PLA2G2C: variants seen among roughly 807,000 people sequenced by gnomAD.
The protein encoded by PLA2G2C is phospholipase A2 group IIC.
In PLA2G2C, 15 loss-of-function variants were observed where a neutral mutation model predicts 14.3. The observed-to-expected ratio is 1.05, with a 90% CI of 0.70 to 1.62. The LOEUF (loss-of-function observed/expected upper bound fraction) is 1.62, where lower values mean the gene tolerates loss of function less well. PLA2G2C is among the 40% of genes most tolerant of loss of function. The pLI, the probability that PLA2G2C is intolerant of heterozygous loss-of-function variation, is 0.00. For synonymous variants in PLA2G2C, 79 were observed against 67.7 expected, an observed-to-expected ratio of 1.17 and a Z score of -0.82; for missense variants, 162 against 173.2, an observed-to-expected ratio of 0.94 and a Z score of 0.36.
intron 4 of PLA2G2C, among the ~76,000 whole-genome samples, chr1:20,165,694 G>A (rs766201515): frequency 3.3e-5 from 5 of 151,048 alleles, no homozygotes; most frequent in Admixed American, 1.3e-4. Flanking sequence ...GTGCATGCGC[G>A]TGTGTGCATG....
Position 20,172,789 on chromosome 1 carries a change from C to T in PLA2G2C, c.283+5G>A, listed in dbSNP as rs769395122. On this transcript the variant is annotated splice_donor_5th_base_variant and intron_variant, in intron 4 of 4. Transcript: ENST00000679259. ...AGACATTTCCATACAGAAAAGGCTACTCACAAACCACTGCGCCATTGACGA... is the reference window on the plus strand; with the variant it reads ...AGACATTTCCATACAGAAAAGGCTATTCACAAACCACTGCGCCATTGACGA... 35 of 1,611,234 alleles carry T rather than the reference C, an allele frequency of 2.2e-5. No individual in the cohort carries two copies. The highest frequency in any genetic ancestry group is 3.0e-5 in the Non-Finnish European group (35 of 1,178,038).
chr1:20,181,716 A>C (rs572035074), intron 1 of PLA2G2C, among the ~76,000 whole-genome samples: 19 of 152,258 alleles, frequency 1.2e-4, no homozygotes, highest in African/African-American at 4.1e-4. Flanking sequence ...TCTTAATAGG[A>C]AGGTAAGCAA....
At chr1:20,173,579 C>T (rs2018127700) in intron 3 of PLA2G2C, among the ~76,000 whole-genome samples, 2 of 152,328 alleles carry the variant, frequency 1.3e-5, no homozygotes, top group African/African-American at 2.4e-5. Flanking sequence ...GAGTCAGGCA[C>T]TGTAACGGTC....
At chr1:20,167,038 G>A (rs1489984796) in intron 4 of PLA2G2C, among the ~76,000 whole-genome samples, 1 of 152,204 alleles carries the variant, frequency 6.6e-6, no homozygotes, top group Non-Finnish European at 1.5e-5. Context: ...GGAAAGGAGG[G>A]CTTTGGAATG....
At chr1:20,174,280 TC>T (rs1367233220) in intron 3 of PLA2G2C, among the ~76,000 whole-genome samples, 2 of 152,180 alleles carry the variant, frequency 1.3e-5, no homozygotes, top group African/African-American at 4.8e-5. Context: ...CATTTTGCTT[TC>T]TTATGTCTTC....
At chr1:20,167,141 C>G (rs374911287) in intron 4 of PLA2G2C, among the ~76,000 whole-genome samples, 56 of 152,282 alleles carry the variant, frequency 3.7e-4, no homozygotes, top group African/African-American at 1.3e-3. Context: ...CAGTCTAAGC[C>G]CCTCGCCTCA....
intron 1 of PLA2G2C, among the ~76,000 whole-genome samples, 137 bp from the exon 2 acceptor site, chr1:20,177,576 T>C (rs2018208959): frequency 6.6e-6 from 1 of 152,270 alleles, no homozygotes; most frequent in Non-Finnish European, 1.5e-5. Flanking sequence ...TGTGGTAACC[T>C]TTCTGGCATT....
intron 1 of PLA2G2C, among the ~76,000 whole-genome samples, chr1:20,185,510 A>G (rs1569943632): frequency 6.6e-6 from 1 of 152,138 alleles, no homozygotes; most frequent in South Asian, 2.1e-4. Context: ...AGTGGAAGAG[A>G]TTGTGGCTGG....
chr1:20,181,232 A>G (rs1225120820), intron 1 of PLA2G2C, among the ~76,000 whole-genome samples: 1 of 152,204 alleles, frequency 6.6e-6, no homozygotes, highest in Non-Finnish European at 1.5e-5. Context: ...TATTTGAGGC[A>G]TGAATGAATG....
At chr1:20,169,888 C>T (rs1008072454) in intron 4 of PLA2G2C, among the ~76,000 whole-genome samples, 2 of 152,244 alleles carry the variant, frequency 1.3e-5, no homozygotes, top group Non-Finnish European at 2.9e-5. Flanking sequence ...GCCCCTCTTT[C>T]CTTCCCTGGG....
intron 4 of PLA2G2C, among the ~76,000 whole-genome samples, chr1:20,171,566 G>A (rs917771227): frequency 1.3e-5 from 2 of 152,140 alleles, no homozygotes; most frequent in African/African-American, 4.8e-5. Flanking sequence ...CCCACTACGG[G>A]ATGGAGGATG....
intron 2 of PLA2G2C, 147 bp from the exon 3 acceptor site, chr1:20,175,292 C>A (rs776809347): frequency 1.7e-6 from 2 of 1,169,190 alleles, no homozygotes; most frequent in Non-Finnish European, 2.4e-6. Context: ...GCTGGAATCA[C>A]CAGCCTCTTT....
At chr1:20,167,797 T>A (rs904138707) in intron 4 of PLA2G2C, among the ~76,000 whole-genome samples, 1 of 152,190 alleles carries the variant, frequency 6.6e-6, no homozygotes, top group African/African-American at 2.4e-5. Flanking sequence ...ACATTGGCCC[T>A]GAGGTCTCAG....
At chr1:20,179,751 T>C (rs1485058427) in intron 1 of PLA2G2C, among the ~76,000 whole-genome samples, 2 of 149,952 alleles carry the variant, frequency 1.3e-5, no homozygotes, top group Non-Finnish European at 1.5e-5. Flanking sequence ...TGTGTGTGTG[T>C]GTGTGTGTGT....
At chr1:20,170,192 T>C (rs1233895675) in intron 4 of PLA2G2C, among the ~76,000 whole-genome samples, 1 of 152,228 alleles carries the variant, frequency 6.6e-6, no homozygotes, top group African/African-American at 2.4e-5. Flanking sequence ...TCATACACTA[T>C]AGCTGTTGTT....
chr1:20,174,952 G>C (rs748588684), intron 3 of PLA2G2C, 55 bp downstream of exon 3: 179 of 1,514,308 alleles, frequency 1.2e-4, no homozygotes, highest in Non-Finnish European at 1.5e-4. Context: ...CTGGCTTTGA[G>C]CATGAACTTT....
intron 1 of PLA2G2C, among the ~76,000 whole-genome samples, chr1:20,178,997 ACT>A (rs1008190313): frequency 6.6e-6 from 1 of 152,078 alleles, no homozygotes; most frequent in African/African-American, 2.4e-5. Flanking sequence ...ACTGAGAACC[ACT>A]CTCTGCTGCA....
rs142746331 is a variant in PLA2G2C at position 20,185,340 on chromosome 1, T to C, written c.-77+1020A>G. ...CAGGTTTCATCAGATGGAAGGAGAG[T>C]AGGACTCGGGCAGGGAGGATCCTTT... On this transcript the variant is annotated intron_variant, in intron 1 of 4. Transcript: ENST00000679259. Among the ~76,000 whole-genome samples, 27 of 151,550 alleles carry C rather than the reference T, an allele frequency of 1.8e-4. No individual in the cohort carries two copies. The East Asian group carries it at 4.5e-3, about 25-fold the overall frequency.
At chr1:20,181,258 A>G (rs1162754445) in intron 1 of PLA2G2C, among the ~76,000 whole-genome samples, 1 of 152,212 alleles carries the variant, frequency 6.6e-6, no homozygotes, top group Non-Finnish European at 1.5e-5. Context: ...ATGAGTGTTA[A>G]GAGTCTTATC....
Sources: allele counts gnomAD v4.1 joint callset (sites outside exome capture counted in the v4.1 genomes callset), GRCh38; gene constraint gnomAD v4.1.1; transcripts MANE v1.5; gene names NCBI Gene and HGNC (gene_info 2026-07-23, HGNC 2026-07-21).